PAK2: variants seen among roughly 807,000 people sequenced by gnomAD.
The protein encoded by PAK2 is serine/threonine-protein kinase PAK 2.
In PAK2, 21 loss-of-function variants were observed where a neutral mutation model predicts 65.9. That is an observed-to-expected ratio of 0.32 (90% CI 0.23 to 0.46). PAK2 has a LOEUF of 0.46. PAK2 is among the 20% of genes least tolerant of loss of function. The pLI, the probability that PAK2 is intolerant of heterozygous loss-of-function variation, is 1.00. For synonymous variants in PAK2, 204 were observed against 219.7 expected, an observed-to-expected ratio of 0.93 and a Z score of 0.63; for missense variants, 324 against 642.6, an observed-to-expected ratio of 0.50 and a Z score of 5.36.
intron 7 of PAK2, among the ~76,000 whole-genome samples, chr3:196,808,855 A>G (rs1715677622): frequency 6.7e-6 from 1 of 150,286 alleles, no homozygotes; most frequent in Non-Finnish European, 1.5e-5. Flanking sequence ...AGCGAGACTC[A>G]GTCTCAAAAA....
intron 1 of PAK2, among the ~76,000 whole-genome samples, chr3:196,759,877 A>G: frequency 6.6e-6 from 1 of 152,048 alleles, no homozygotes; most frequent in Non-Finnish European, 1.5e-5. Context: ...CGTCCCCACT[A>G]TCTAATTACA....
intron 2 of PAK2, 59 bp from the exon 3 acceptor site, chr3:196,801,868 C>T (rs1235794207): frequency 3.7e-6 from 3 of 816,346 alleles, no homozygotes; most frequent in Non-Finnish European, 6.2e-6. Flanking sequence ...ATTATAAGTG[C>T]CTTTACTAGT....
chr3:196,749,081 C>CTT (rs71621295), intron 1 of PAK2, among the ~76,000 whole-genome samples: 1 of 149,566 alleles, frequency 6.7e-6, no homozygotes, highest in African/African-American at 2.5e-5. Context: ...AAGTTCTTTT[C>CTT]TTTTTTTTTT....
chr3:196,746,017 C>T (rs1361032597), intron 1 of PAK2, among the ~76,000 whole-genome samples: 5 of 149,184 alleles, frequency 3.4e-5, no homozygotes, highest in African/African-American at 5.0e-5. Context: ...TTTTTAAAGA[C>T]GGGGTTTCAC....
chr3:196,766,679 T>C (rs958870002), intron 1 of PAK2, among the ~76,000 whole-genome samples: 42 of 152,144 alleles, frequency 2.8e-4, no homozygotes, highest in African/African-American at 1.0e-3. Flanking sequence ...ATCTAGGTTT[T>C]AACTTGGTCC....
Position 196,757,763 on chromosome 3 carries a change from C to T in PAK2, c.-22+17606C>T, listed in dbSNP as rs531339600. ...CTTATGTTCCTGTTGCCTGGAATCC[C>T]GTCTTCTGGTCAGGAAGATGATCTG... is the stretch of plus-strand genomic sequence containing the variant. On this transcript the variant is annotated intron_variant, in intron 1 of 14. Coordinates refer to ENST00000327134, the MANE Select transcript of PAK2 (RefSeq NM_002577.4). 1.4e-4 allele frequency among the ~76,000 whole-genome samples: 21 copies of T among 152,174 alleles called. No individual in the cohort carries two copies. The South Asian group carries it at 2.5e-3, about 18-fold the overall frequency.
At chr3:196,802,660 T>C (rs1053979334) in intron 3 of PAK2, among the ~76,000 whole-genome samples, 5 of 152,058 alleles carry the variant, frequency 3.3e-5, no homozygotes, top group African/African-American at 9.6e-5. Flanking sequence ...CTGGCTAACA[T>C]GGTGAAACCC....
chr3:196,742,657 G>T (rs1713239735), intron 1 of PAK2, among the ~76,000 whole-genome samples: 1 of 152,132 alleles, frequency 6.6e-6, no homozygotes. Context: ...GCTCACGCCT[G>T]TAATCCCAGC....
At chr3:196,742,046 T>A (rs1352869736) in intron 1 of PAK2, among the ~76,000 whole-genome samples, 1 of 152,144 alleles carries the variant, frequency 6.6e-6, no homozygotes, top group Non-Finnish European at 1.5e-5. Flanking sequence ...TAGGGCTCTC[T>A]GATCTTTATG....
At chr3:196,819,443 A>G (rs67124892) in intron 12 of PAK2, among the ~76,000 whole-genome samples, 19,750 of 152,184 alleles carry the variant, frequency 0.13, 1,582 homozygotes, top group South Asian at 0.19. Flanking sequence ...CCTGTGACAA[A>G]AAATTTTAAA....
chr3:196,802,305 G>A (rs1032053833), intron 3 of PAK2, among the ~76,000 whole-genome samples: 10 of 152,110 alleles, frequency 6.6e-5, no homozygotes, highest in African/African-American at 2.4e-4. Context: ...GGAGGCTGAG[G>A]CAGGGGAATC....
At chr3:196,790,760 G>C (rs6806616) in intron 2 of PAK2, among the ~76,000 whole-genome samples, 120,485 of 152,130 alleles carry the variant, frequency 0.79, 47,857 homozygotes, top group Admixed American at 0.86. Context: ...AACTAGCCAA[G>C]GAAGCTTGCA....
intron 1 of PAK2, among the ~76,000 whole-genome samples, chr3:196,765,086 C>T (rs1245047635): frequency 2.0e-5 from 3 of 150,660 alleles, no homozygotes; most frequent in African/African-American, 2.4e-5. Flanking sequence ...CCTCGTGATC[C>T]ACCTGCCTCG....
At chr3:196,783,576 T>G (rs1189707478) in intron 2 of PAK2, among the ~76,000 whole-genome samples, 2 of 118,982 alleles carry the variant, frequency 1.7e-5, no homozygotes, top group East Asian at 4.4e-4. Context: ...GGTGAGACTC[T>G]CTCAAAAAAA....
At chr3:196,794,751 TGTA>T in intron 2 of PAK2, among the ~76,000 whole-genome samples, 1 of 152,116 alleles carries the variant, frequency 6.6e-6, no homozygotes, top group East Asian at 1.9e-4. Flanking sequence ...AACACCATGT[TGTA>T]GGAGGTTTAT....
chr3:196,783,828 G>A (rs1714794357), intron 2 of PAK2, among the ~76,000 whole-genome samples: 1 of 152,112 alleles, frequency 6.6e-6, no homozygotes, highest in Admixed American at 6.6e-5. Flanking sequence ...GAATTATGCT[G>A]TCTGCATTTT....
intron 1 of PAK2, among the ~76,000 whole-genome samples, chr3:196,770,608 G>GTATTT (rs1231459103): frequency 6.6e-6 from 1 of 151,830 alleles, no homozygotes; most frequent in Admixed American, 6.6e-5. Flanking sequence ...TTTATATATA[G>GTATTT]TATTTTATTT....
At chr3:196,766,931 CGTGTGTGT>C (rs60929724) in intron 1 of PAK2, among the ~76,000 whole-genome samples, 140 of 134,406 alleles carry the variant, frequency 1.0e-3, no homozygotes, top group East Asian at 0.01. Flanking sequence ...AAGTACACCC[CGTGTGTGT>C]GTGTGTGTGT....
intron 2 of PAK2, chr3:196,785,029 C>T (rs1714839951): frequency 6.6e-6 from 1 of 152,332 alleles, no homozygotes; most frequent in African/African-American, 2.4e-5. Flanking sequence ...GCGCAGGGGC[C>T]ATGCTAATCT....
Sources: gnomAD v4.1 joint callset for allele counts (sites outside exome capture counted in the v4.1 genomes callset) on GRCh38, gnomAD v4.1.1 for gene constraint, MANE v1.5 for transcripts, NCBI Gene and HGNC (gene_info 2026-07-23, HGNC 2026-07-21) for gene names.